The following ASCC3 variants were observed in gnomAD, a reference collection of about 807,000 sequenced individuals.
The protein encoded by ASCC3 is activating signal cointegrator 1 complex subunit 3.
ASCC3 carries 158 observed loss-of-function variants against 256.3 expected under a neutral mutation model. The observed-to-expected ratio is 0.62, with a 90% CI of 0.54 to 0.70. ASCC3 has a LOEUF of 0.70. ASCC3 is among the 30% of genes least tolerant of loss of function. ASCC3 has a pLI of 0.00. For missense variants in ASCC3, 2,259 were observed against 2,626.0 expected, an observed-to-expected ratio of 0.86 and a Z score of 3.05; for synonymous variants, 948 against 883.4, an observed-to-expected ratio of 1.07 and a Z score of -1.30.
chr6:100,846,144 ATAG>A (rs1772370739), intron 4 of ASCC3, among the ~76,000 whole-genome samples: 5 of 74,466 alleles, frequency 6.7e-5, no homozygotes, highest in African/African-American at 2.5e-4. Flanking sequence ...CACATAAGGT[ATAG>A]CACGCACACC....
chr6:100,746,890 A>G (rs747447180), intron 10 of ASCC3, among the ~76,000 whole-genome samples: 6 of 152,166 alleles, frequency 3.9e-5, no homozygotes, highest in Non-Finnish European at 8.8e-5. Flanking sequence ...ACACATATAC[A>G]GTCAATTTGT....
intron 24 of ASCC3, among the ~76,000 whole-genome samples, chr6:100,640,610 A>T (rs1445397782): frequency 6.6e-6 from 1 of 152,164 alleles, no homozygotes; most frequent in African/African-American, 2.4e-5. Context: ...AGCACCAAAC[A>T]TTTTTTATAT....
chr6:100,531,194 C>T (rs1774855681), intron 37 of ASCC3: 1 of 615,870 alleles, frequency 1.6e-6, no homozygotes, highest in African/African-American at 1.8e-5. Flanking sequence ...AAGGATACAT[C>T]TTGGACCATA....
At chr6:100,727,044 C>T (rs13208631) in intron 10 of ASCC3, among the ~76,000 whole-genome samples, 1 of 151,946 alleles carries the variant, frequency 6.6e-6, no homozygotes, top group Non-Finnish European at 1.5e-5. Flanking sequence ...CTAAGACTTG[C>T]CAGAACCAAT....
chr6:100,531,002 G>A, intron 37 of ASCC3: 1 of 1,595,822 alleles, frequency 6.3e-7, no homozygotes, highest in Non-Finnish European at 8.6e-7. Context: ...TGATGACTTT[G>A]TGGAATTTGC....
At chr6:100,698,560 T>C (rs964033309) in intron 13 of ASCC3, among the ~76,000 whole-genome samples, 2 of 152,070 alleles carry the variant, frequency 1.3e-5, no homozygotes, top group Non-Finnish European at 2.9e-5. Flanking sequence ...TAAGTCTGTA[T>C]CATGAAAAAA....
intron 37 of ASCC3, chr6:100,530,328 T>C: frequency 7.0e-7 from 1 of 1,436,516 alleles, no homozygotes; most frequent in Non-Finnish European, 9.8e-7. Flanking sequence ...TTTATGATCT[T>C]CACACAATCT....
chr6:100,808,209 T>G (rs1396362963), intron 4 of ASCC3, among the ~76,000 whole-genome samples: 3 of 151,836 alleles, frequency 2.0e-5, no homozygotes, highest in Admixed American at 2.0e-4. Context: ...GCGTCAACAT[T>G]CAGAAGATTT....
At chr6:100,532,346 G>A (rs1774923799) in intron 37 of ASCC3, among the ~76,000 whole-genome samples, 1 of 132,178 alleles carries the variant, frequency 7.6e-6, no homozygotes, top group Non-Finnish European at 1.5e-5. Context: ...GTGTGTGTGT[G>A]TGTGTGTGTG....
At chr6:100,598,840 A>C (rs558022095) in intron 34 of ASCC3, among the ~76,000 whole-genome samples, 1 of 152,298 alleles carries the variant, frequency 6.6e-6, no homozygotes, top group Non-Finnish European at 1.5e-5. Flanking sequence ...TTAATTTCTG[A>C]TCAATACTAT....
At chr6:100,648,669 T>A (rs970436278) in intron 20 of ASCC3, among the ~76,000 whole-genome samples, 2 of 151,886 alleles carry the variant, frequency 1.3e-5, no homozygotes, top group Non-Finnish European at 2.9e-5. Context: ...ATAAATAAAA[T>A]TTTGATTACT....
chr6:100,728,169 G>A (rs1022917759), intron 10 of ASCC3, among the ~76,000 whole-genome samples: 1 of 151,726 alleles, frequency 6.6e-6, no homozygotes, highest in Non-Finnish European at 1.5e-5. Flanking sequence ...GTTAACACAT[G>A]AGCCAAACAA....
intron 3 of ASCC3, among the ~76,000 whole-genome samples, chr6:100,860,434 G>C (rs1041594000): frequency 6.6e-6 from 1 of 151,954 alleles, no homozygotes; most frequent in African/African-American, 2.4e-5. Context: ...TGTGGGGTTG[G>C]GGGTGAGAGG....
intron 29 of ASCC3, among the ~76,000 whole-genome samples, chr6:100,626,847 G>T (rs2114857102): frequency 6.6e-6 from 1 of 152,192 alleles, no homozygotes; most frequent in East Asian, 1.9e-4. Flanking sequence ...GCTGCTGAAA[G>T]AACAGGTGTG....
intron 40 of ASCC3, among the ~76,000 whole-genome samples, chr6:100,512,108 C>A (rs538484129): frequency 6.6e-6 from 1 of 152,172 alleles, no homozygotes; most frequent in Admixed American, 6.5e-5. Flanking sequence ...AAATACTGTA[C>A]ATTTTTGCCT....
intron 36 of ASCC3, among the ~76,000 whole-genome samples, chr6:100,544,248 C>T (rs1263122477): frequency 6.6e-6 from 1 of 151,810 alleles, no homozygotes; most frequent in Non-Finnish European, 1.5e-5. Context: ...CTTTTGTGTC[C>T]ACCTTAAAAA....
intron 10 of ASCC3, among the ~76,000 whole-genome samples, chr6:100,755,825 T>C (rs1781150739): frequency 6.6e-6 from 1 of 152,278 alleles, no homozygotes; most frequent in South Asian, 2.1e-4. Flanking sequence ...CTGGACAAAC[T>C]ACATGTATCA....
intron 30 of ASCC3, among the ~76,000 whole-genome samples, chr6:100,619,238 C>T (rs1474051520): frequency 6.6e-6 from 1 of 152,186 alleles, no homozygotes; most frequent in Non-Finnish European, 1.5e-5. Context: ...TCTAGCTTTG[C>T]TAGTTCGGAG....
intron 13 of ASCC3, among the ~76,000 whole-genome samples, chr6:100,681,487 G>C (rs893001122): frequency 1.3e-5 from 2 of 151,930 alleles, no homozygotes; most frequent in Admixed American, 6.6e-5. Context: ...CCAGCACTTT[G>C]GGAGGTCAAG....
Sources: allele counts gnomAD v4.1 joint callset (sites outside exome capture counted in the v4.1 genomes callset), GRCh38; gene constraint gnomAD v4.1.1; transcripts MANE v1.5; gene names NCBI Gene and HGNC (gene_info 2026-07-23, HGNC 2026-07-21).